The following MYO6 variants were observed in gnomAD, a reference collection of about 807,000 sequenced individuals.
MYO6 encodes the protein unconventional myosin-VI.
MYO6 carries 74 observed loss-of-function variants against 178.7 expected under a neutral mutation model. The ratio of observed to expected loss-of-function variants is 0.41; its 90% CI spans 0.34 to 0.50. The LOEUF is 0.50. MYO6 is among the 20% of genes least tolerant of loss of function. The pLI is 0.09. For missense variants in MYO6, 1,330 were observed against 1,547.4 expected (o/e 0.86, Z 2.36); for synonymous variants, 477 against 504.6 (o/e 0.95, Z 0.73).
At chr6:75,761,681 T>C (rs1777966944) in intron 1 of MYO6, among the ~76,000 whole-genome samples, 1 of 151,738 alleles carries the variant, frequency 6.6e-6, no homozygotes, top group South Asian at 2.1e-4. Context: ...CAGAGGGCTA[T>C]TATTTATTAA....
At chr6:75,913,552 A>G (rs1780924761) in intron 33 of MYO6, among the ~76,000 whole-genome samples, 1 of 152,190 alleles carries the variant, frequency 6.6e-6, no homozygotes, top group Admixed American at 6.5e-5. Context: ...TTGGCAAAAG[A>G]AAAAATTTTT....
At chr6:75,814,711 T>C (rs570565037) in intron 1 of MYO6, among the ~76,000 whole-genome samples, 3 of 151,882 alleles carry the variant, frequency 2.0e-5, no homozygotes, top group African/African-American at 7.2e-5. Context: ...AAATAAAAAT[T>C]ACAAAAATTA....
At chr6:75,766,085 G>A (rs1413442165) in intron 1 of MYO6, among the ~76,000 whole-genome samples, 1 of 152,206 alleles carries the variant, frequency 6.6e-6, no homozygotes, top group African/African-American at 2.4e-5. Context: ...CACTTTTGAA[G>A]GCCGAGGCGG....
rs900775518 is a variant in MYO6 at position 75,886,970 on chromosome 6, T to G, written c.2634T>G (p.Ile878Met). 2.5e-6 allele frequency: 4 copies of G among 1,613,750 alleles called. No individual in the cohort carries two copies. The highest frequency in any genetic ancestry group is 1.3e-5 in the African/African-American group (1 of 75,046). The change falls in exon 25 of 35, where the codon ATT becomes ATG. Residue 878 changes from isoleucine (I) to methionine (M), a missense_variant. This residue lies in a region of MYO6 where 601 missense variants were observed against 626.1 expected (regional missense o/e 0.96). Coordinates refer to ENST00000369977, the MANE Select transcript of MYO6 (RefSeq NM_004999.4). ...NKQIKNLEISIDTLMAKIKST... is the reference protein window; with the variant it reads ...NKQIKNLEISMDTLMAKIKST... ...AGATCAAGAATCTGGAAATTTCTAT[T>G]GATACTTTGATGGCCAAAATTAAGG...
At chr6:75,781,700 T>C (rs1462967572) in intron 1 of MYO6, among the ~76,000 whole-genome samples, 1 of 151,948 alleles carries the variant, frequency 6.6e-6, no homozygotes, top group Admixed American at 6.6e-5. Flanking sequence ...GGCAGGTGGA[T>C]CACGAGGTCA....
chr6:75,847,739 C>T (rs1190863037), intron 10 of MYO6, among the ~76,000 whole-genome samples: 2 of 151,912 alleles, frequency 1.3e-5, no homozygotes, highest in African/African-American at 2.4e-5. Context: ...ATTGTATCAG[C>T]CTGACCCCTA....
chr6:75,825,287 G>A (rs1772346428), intron 3 of MYO6, among the ~76,000 whole-genome samples: 1 of 152,112 alleles, frequency 6.6e-6, no homozygotes, highest in Non-Finnish European at 1.5e-5. Context: ...TAATAATAAA[G>A]TATAGAGTAT....
intron 1 of MYO6, among the ~76,000 whole-genome samples, chr6:75,766,675 A>G (rs1778447101): frequency 6.6e-6 from 1 of 152,142 alleles, no homozygotes; most frequent in African/African-American, 2.4e-5. Context: ...CTATAATGTG[A>G]TTTTTCCAGC....
chr6:75,750,632 A>G (rs1280934016), intron 1 of MYO6, among the ~76,000 whole-genome samples: 2 of 150,730 alleles, frequency 1.3e-5, no homozygotes, highest in East Asian at 2.0e-4. Flanking sequence ...TTTTTGAGAC[A>G]GAGCCTCGCT....
rs1412860364 is a variant in MYO6 at position 75,916,300 on chromosome 6, T to TTCTTTTTTCCCTAGAAA, written c.*1289_*1305dup. ...ACCTTTGAAATGAAATTCCAGTGATTTCTTTTTTCCCTAGAAAGATTACCT... is the reference window on the plus strand; with the variant it reads ...ACCTTTGAAATGAAATTCCAGTGATTTCTTTTTTCCCTAGAAATCTTTTTTCCCTAGAAAGATTACCT... On this transcript the variant is annotated 3_prime_UTR_variant, in exon 35 of 35. Coordinates refer to ENST00000369977, the MANE Select transcript of MYO6 (RefSeq NM_004999.4). The TTCTTTTTTCCCTAGAAA allele has an allele frequency of 2.0e-5, 3 of 152,420 alleles. No individual in the cohort carries two copies. The highest frequency in any genetic ancestry group is 4.4e-5 in the Non-Finnish European group (3 of 68,014). 9.4% of individuals were successfully genotyped at this position (152,420 alleles called of 1,614,324 possible). A position where few individuals can be genotyped will look rare whatever the true frequency, so the allele number is the denominator to read the frequency against.
rs1767168382 is a variant in MYO6 at position 75,783,214 on chromosome 6, G to C, written c.-48+33791G>C. Among the ~76,000 whole-genome samples the C allele has an allele frequency of 2.6e-5, 4 of 152,188 alleles. 1 individual carries two copies. In the South Asian group the frequency reaches 8.3e-4, roughly 32 times the overall value. ...TTACAGGTATTAGCCACTGAGCCTG[G>C]CCTCCCAGATAGATTTTTAGTCTTT... On this transcript the variant is annotated intron_variant, in intron 1 of 34. Coordinates refer to ENST00000369977, the MANE Select transcript of MYO6 (RefSeq NM_004999.4).
intron 30 of MYO6, among the ~76,000 whole-genome samples, chr6:75,901,533 A>G (rs370654609): frequency 5.3e-5 from 8 of 152,028 alleles, no homozygotes; most frequent in African/African-American, 1.9e-4. Context: ...TTTGTCTGTT[A>G]TTGGTGTATA....
intron 1 of MYO6, among the ~76,000 whole-genome samples, chr6:75,787,724 CTCTCTCTATATA>C (rs1300537076): frequency 4.4e-3 from 107 of 24,382 alleles, no homozygotes; most frequent in Non-Finnish European, 5.8e-3. Context: ...CTCTCTCTCT[CTCTCTCTATATA>C]TATATATATA....
chr6:75,827,882 G>T (rs1772640637), intron 3 of MYO6, among the ~76,000 whole-genome samples: 1 of 152,194 alleles, frequency 6.6e-6, no homozygotes, highest in African/African-American at 2.4e-5. Flanking sequence ...GAGAAGAGGA[G>T]TGGTTTTTGT....
intron 9 of MYO6, among the ~76,000 whole-genome samples, chr6:75,843,963 A>C (rs1774483769): frequency 6.6e-6 from 1 of 152,120 alleles, no homozygotes; most frequent in South Asian, 2.1e-4. Flanking sequence ...GTACAATAAA[A>C]TCATAGCAAC....
intron 10 of MYO6, among the ~76,000 whole-genome samples, chr6:75,846,090 CT>C (rs1774707615): frequency 6.6e-6 from 1 of 150,842 alleles, no homozygotes; most frequent in African/African-American, 2.4e-5. Context: ...AATTATATTT[CT>C]AAGAATAATT....
At chr6:75,907,845 A>T (rs1581995187) in intron 31 of MYO6, 137 bp downstream of exon 31, 1 of 691,824 alleles carries the variant, frequency 1.4e-6, no homozygotes, top group African/African-American at 1.8e-5. Context: ...TAATACCTAT[A>T]TTATCTGAAT....
At chr6:75,787,268 G>A (rs1767661977) in intron 1 of MYO6, among the ~76,000 whole-genome samples, 1 of 152,120 alleles carries the variant, frequency 6.6e-6, no homozygotes, top group Admixed American at 6.6e-5. Context: ...CAAGAGCAAT[G>A]TCTACACAAA....
chr6:75,911,722 T>C (rs1313144531), intron 33 of MYO6, 24 bp downstream of exon 33: 2 of 1,606,238 alleles, frequency 1.2e-6, no homozygotes, highest in Non-Finnish European at 1.7e-6. Flanking sequence ...TGGTAACTCA[T>C]GAGCTAACTG....
Sources: allele counts gnomAD v4.1 joint callset (sites outside exome capture counted in the v4.1 genomes callset), GRCh38; gene constraint gnomAD v4.1.1; regional missense constraint gnomAD v4.1.1; transcripts MANE v1.5; gene names NCBI Gene and HGNC (gene_info 2026-07-23, HGNC 2026-07-21).